Variants in FAM20C observed in about 807,000 individuals in gnomAD.
The protein encoded by FAM20C is extracellular serine/threonine protein kinase FAM20C.
A neutral mutation model predicts 51.5 loss-of-function variants in FAM20C; 40 were observed. The observed-to-expected ratio is 0.78, with a 90% CI of 0.60 to 1.01. The LOEUF (loss-of-function observed/expected upper bound fraction) is 1.01. Ranked by LOEUF, FAM20C falls within the 50% of genes least tolerant of loss-of-function variation. FAM20C has a pLI of 0.00. For missense variants in FAM20C, 861 were observed against 844.7 expected (o/e 1.02, Z -0.24); for synonymous variants, 406 against 380.6 (o/e 1.07, Z -0.78).
At chr7:254,987 CCT>C (rs1788536111) in intron 5 of FAM20C, among the ~76,000 whole-genome samples, 1 of 152,224 alleles carries the variant, frequency 6.6e-6, no homozygotes, top group Admixed American at 6.5e-5. Flanking sequence ...CGTGTCCACT[CCT>C]CTCTTGATGG....
chr7:259,606 GTCCCCCTCTT>G, intron 9 of FAM20C, 115 bp from the exon 10 acceptor site: 1 of 927,962 alleles, frequency 1.1e-6, no homozygotes, highest in Non-Finnish European at 1.4e-6. Flanking sequence ...CTCTGTCTCT[GTCCCCCTCTT>G]TCTCTCTCTG....
In FAM20C at chr7:209,024, GGCGAGCAGGCGCCGGGCTTCT is replaced by G. The variant is rs1320732319; in HGVS notation, c.863+51_863+71del. 5.2e-6 allele frequency: 8 copies of G among 1,542,190 alleles called. No homozygotes were observed. The African/African-American group carries it at 8.2e-5, about 16-fold the overall frequency. On this transcript the variant is annotated intron_variant, in intron 3 of 9. Transcript: ENST00000313766. ...TGGGGCGTGAGGAGCTGGAGCTGCA[GGCGAGCAGGCGCCGGGCTTCT>G]GCTGGGGATGGCCGTGTCTCCTCCC... is the stretch of plus-strand genomic sequence containing the variant.
rs1361780742 is a variant in FAM20C, at chr7:249,562, G to A, written c.1072+1132G>A. 2.6e-5 allele frequency among the ~76,000 whole-genome samples: 4 copies of A among 152,164 alleles called. No homozygotes were observed. In the East Asian group the frequency reaches 7.7e-4, roughly 29 times the overall value. ...TTGAGACCAGACTGGGCAACGTGGT[G>A]AGACCCCTGTCTACAGGAAATTAAA... On this transcript the variant is annotated intron_variant, in intron 5 of 9. Transcript: ENST00000313766.
At chr7:240,471 G>A (rs1354939043) in intron 3 of FAM20C, among the ~76,000 whole-genome samples, 1 of 151,862 alleles carries the variant, frequency 6.6e-6, no homozygotes, top group Non-Finnish European at 1.5e-5. Context: ...TGATGACCAT[G>A]GTGGTGATGA....
At chr7:209,595 G>A (rs557029880) in intron 3 of FAM20C, among the ~76,000 whole-genome samples, 24 of 152,322 alleles carry the variant, frequency 1.6e-4, no homozygotes, top group African/African-American at 5.1e-4. Context: ...TCCGTGGCAC[G>A]CGACAGCTCG....
At position 222,045 on chromosome 7, in the gene FAM20C, C is replaced by T. The variant is rs375316751; in HGVS notation, c.863+13069C>T. ...CCGTTCTTAGCATCTGGGCACAGGG[C>T]GGAGCCTCGTCTCCAGCAGGGCAGG... On this transcript the variant is annotated intron_variant, in intron 3 of 9. Transcript: ENST00000313766. Among the ~76,000 whole-genome samples the T allele has an allele frequency of 7.4e-3, 465 of 62,512 alleles. 3 individuals carry two copies. The highest frequency in any genetic ancestry group is 0.012 in the Non-Finnish European group (310 of 26,088). 41.0% of individuals were successfully genotyped at this position (62,512 alleles called of 152,430 possible).
intron 3 of FAM20C, among the ~76,000 whole-genome samples, chr7:214,950 A>G (rs1376168439): frequency 3.3e-5 from 5 of 152,116 alleles, no homozygotes; most frequent in Non-Finnish European, 4.4e-5. Context: ...CCCGCCAGGC[A>G]CTGGGAACAC....
chr7:247,608 C>T (rs143005708), intron 4 of FAM20C, among the ~76,000 whole-genome samples: 3,440 of 152,294 alleles, frequency 0.023, 113 homozygotes, highest in African/African-American at 0.078. Flanking sequence ...CTATAGAAAT[C>T]GCCAGAAGCC....
intron 3 of FAM20C, among the ~76,000 whole-genome samples, chr7:215,085 C>T (rs1786896419): frequency 1.3e-5 from 2 of 151,982 alleles, no homozygotes; most frequent in Non-Finnish European, 2.9e-5. Context: ...AGACAGGCAG[C>T]TACGTGTGTC....
chr7:212,398 G>A (rs1178807674), intron 3 of FAM20C, among the ~76,000 whole-genome samples: 1 of 152,232 alleles, frequency 6.6e-6, no homozygotes. Context: ...GGGAGGTGGA[G>A]GTTACAGTGA....
At chr7:220,634 G>T (rs1250979604) in intron 3 of FAM20C, among the ~76,000 whole-genome samples, 1 of 152,188 alleles carries the variant, frequency 6.6e-6, no homozygotes, top group East Asian at 1.9e-4. Context: ...GACCTGAATG[G>T]CATGGTCGGC....
intron 1 of FAM20C, among the ~76,000 whole-genome samples, chr7:194,783 C>G (rs934142179): frequency 2.1e-5 from 3 of 140,514 alleles, no homozygotes; most frequent in African/African-American, 7.9e-5. Context: ...CCCCCCACCC[C>G]GCCCCCGTGT....
At chr7:249,928 A>G (rs901179717) in intron 5 of FAM20C, among the ~76,000 whole-genome samples, 1 of 152,036 alleles carries the variant, frequency 6.6e-6, no homozygotes, top group Non-Finnish European at 1.5e-5. Context: ...TCCATCTTGA[A>G]GGTCAAGAGT....
At chr7:241,592 G>A (rs1787948130) in intron 3 of FAM20C, among the ~76,000 whole-genome samples, 1 of 151,412 alleles carries the variant, frequency 6.6e-6, no homozygotes, top group South Asian at 2.1e-4. Context: ...ACTCCTGCGA[G>A]TGTGCATATA....
intron 3 of FAM20C, among the ~76,000 whole-genome samples, chr7:212,626 G>A (rs1156700121): frequency 2.0e-5 from 3 of 151,716 alleles, no homozygotes; most frequent in Non-Finnish European, 4.4e-5. Context: ...TGAGGTGGGG[G>A]CCAGCCTGGG....
chr7:237,030 G>A (rs962406945), intron 3 of FAM20C, among the ~76,000 whole-genome samples: 4 of 152,222 alleles, frequency 2.6e-5, no homozygotes, highest in African/African-American at 9.6e-5. Flanking sequence ...CAGAAGCCAG[G>A]GACAGCCCGC....
chr7:256,928 T>C, intron 7 of FAM20C, 77 bp from the exon 8 acceptor site: 1 of 1,487,368 alleles, frequency 6.7e-7, no homozygotes, highest in Non-Finnish European at 9.1e-7. Context: ...GAGACGCCGC[T>C]CTGCAGAGCA....
intron 3 of FAM20C, among the ~76,000 whole-genome samples, chr7:235,833 G>C (rs1203762193): frequency 1.3e-5 from 2 of 152,202 alleles, no homozygotes; most frequent in Non-Finnish European, 2.9e-5. Flanking sequence ...TGACTTCTGG[G>C]CCTGGGCCCA....
chr7:200,048 G>GA (rs1302134527), intron 2 of FAM20C, among the ~76,000 whole-genome samples: 1 of 152,258 alleles, frequency 6.6e-6, no homozygotes, highest in African/African-American at 2.4e-5. Flanking sequence ...AGTCCAGCTA[G>GA]AATCCAGGAC....
Sources: allele counts gnomAD v4.1 joint callset (sites outside exome capture counted in the v4.1 genomes callset), GRCh38; gene constraint gnomAD v4.1.1; transcripts MANE v1.5; gene names NCBI Gene and HGNC (gene_info 2026-07-23, HGNC 2026-07-21).